CACNA2D3: variants seen among roughly 807,000 people sequenced by gnomAD.
The protein encoded by CACNA2D3 is voltage-dependent calcium channel subunit alpha-2/delta-3.
A neutral mutation model predicts 160.6 loss-of-function variants in CACNA2D3; 60 were observed. The observed-to-expected ratio is 0.37, with a 90% confidence interval of 0.30 to 0.46. CACNA2D3 has a LOEUF of 0.46. Among genes scored for constraint, CACNA2D3 ranks in the 20% least tolerant of loss-of-function variants. The pLI is 1.00. For synonymous variants in CACNA2D3, 558 were observed against 492.9 expected, an observed-to-expected ratio of 1.13 and a Z score of -1.75; for missense variants, 1,205 against 1,365.0, an observed-to-expected ratio of 0.88 and a Z score of 1.85.
intron 17 of CACNA2D3, among the ~76,000 whole-genome samples, chr3:54,866,530 C>T (rs1699404661): frequency 6.6e-6 from 1 of 152,220 alleles, no homozygotes; most frequent in African/African-American, 2.4e-5. Context: ...CATCCCCTTC[C>T]TTCCTGTTGG....
At chr3:54,883,528 T>G (rs1296150194) in intron 21 of CACNA2D3, among the ~76,000 whole-genome samples, 1 of 152,142 alleles carries the variant, frequency 6.6e-6, no homozygotes, top group African/African-American at 2.4e-5. Flanking sequence ...TCCCGATAGA[T>G]CTCATCTTTT....
chr3:54,763,941 G>T (rs1702169227), intron 12 of CACNA2D3, among the ~76,000 whole-genome samples: 1 of 143,884 alleles, frequency 7.0e-6, no homozygotes, highest in African/African-American at 2.6e-5. Flanking sequence ...ATTCTCCAAA[G>T]AATTAACAGG....
At chr3:54,813,913 G>A (rs181086578) in intron 13 of CACNA2D3, among the ~76,000 whole-genome samples, 2 of 142,350 alleles carry the variant, frequency 1.4e-5, no homozygotes, top group African/African-American at 5.3e-5. Context: ...CGCCCAGGCT[G>A]GAGTGCAGTG....
At position 54,822,790 on chromosome 3, in the gene CACNA2D3, C is replaced by CCTTT. The variant is rs71096453; in HGVS notation, c.1398+5961_1398+5964dup. 7.7e-3 allele frequency among the ~76,000 whole-genome samples: 556 copies of CCTTT among 71,836 alleles called. 19 individuals carry two copies. The highest frequency in any genetic ancestry group is 0.017 in the Middle Eastern group (3 of 176). 47.1% of individuals were successfully genotyped at this position (71,836 alleles called of 152,430 possible). Reference sequence around the variant, plus strand: ...TCTTTCTTTCTTTCTTTCTTTCTTTCCTTTCTTTCTTTCTTTCTTTCTTTC... The same window carrying CCTTT: ...TCTTTCTTTCTTTCTTTCTTTCTTTCCTTTCTTTCTTTCTTTCTTTCTTTCTTTC... On this transcript the variant is annotated intron_variant, in intron 14 of 37. Coordinates refer to ENST00000474759, the MANE Select transcript of CACNA2D3 (RefSeq NM_018398.3).
rs151038895 is a variant in CACNA2D3, at chr3:54,321,899, G to C, written c.321+1341G>C. Among the ~76,000 whole-genome samples, 274 of 131,998 alleles carry C rather than the reference G, an allele frequency of 2.1e-3. 11 individuals are homozygous for C. The East Asian group carries it at 0.06, about 29-fold the overall frequency. The allele number at this position is 131,998 out of a possible 152,430, so 86.6% of individuals were successfully genotyped here. ...CTGCTCCAGCGACAGTGGTGTGCAA[G>C]TGCTTATTTTCTGAAATCCTTGCAA... On this transcript the variant is annotated intron_variant, in intron 3 of 37. Coordinates refer to ENST00000474759, the MANE Select transcript of CACNA2D3 (RefSeq NM_018398.3).
intron 11 of CACNA2D3, among the ~76,000 whole-genome samples, chr3:54,711,782 C>A (rs1454438853): frequency 6.6e-6 from 1 of 152,246 alleles, no homozygotes; most frequent in Non-Finnish European, 1.5e-5. Context: ...TGCCCTTCCT[C>A]ATCTGCTGCT....
intron 13 of CACNA2D3, among the ~76,000 whole-genome samples, chr3:54,807,851 T>C (rs1249438168): frequency 1.3e-5 from 2 of 150,384 alleles, no homozygotes; most frequent in East Asian, 2.0e-4. Context: ...GTGGCACATA[T>C]ACACCATGGA....
intron 4 of CACNA2D3, among the ~76,000 whole-genome samples, chr3:54,462,863 C>T (rs1241657094): frequency 2.7e-5 from 4 of 150,196 alleles, no homozygotes; most frequent in African/African-American, 7.3e-5. Flanking sequence ...GCAGTTTCTT[C>T]CTAGTCTCGA....
At chr3:54,659,938 T>A (rs1018384653) in intron 11 of CACNA2D3, among the ~76,000 whole-genome samples, 1 of 152,112 alleles carries the variant, frequency 6.6e-6, no homozygotes, top group African/African-American at 2.4e-5. Flanking sequence ...AAGCATGGTG[T>A]CTGCATCCTC....
intron 4 of CACNA2D3, among the ~76,000 whole-genome samples, chr3:54,440,585 A>G (rs1213313025): frequency 1.3e-5 from 2 of 152,104 alleles, no homozygotes; most frequent in Non-Finnish European, 2.9e-5. Flanking sequence ...TGCCGCACCC[A>G]TTAACTCGTC....
chr3:54,385,252 G>A (rs996128548), intron 3 of CACNA2D3, among the ~76,000 whole-genome samples: 1 of 152,160 alleles, frequency 6.6e-6, no homozygotes, highest in African/African-American at 2.4e-5. Flanking sequence ...TTTCCCAGGT[G>A]AAACTGATCC....
At chr3:54,392,127 CA>C (rs1426723694) in intron 4 of CACNA2D3, among the ~76,000 whole-genome samples, 1 of 152,146 alleles carries the variant, frequency 6.6e-6, no homozygotes, top group Non-Finnish European at 1.5e-5. Flanking sequence ...GTTTCATCCT[CA>C]TTATTTTGAT....
chr3:54,626,599 G>A (rs572091195), intron 9 of CACNA2D3: 36 of 1,501,026 alleles, frequency 2.4e-5, no homozygotes, highest in African/African-American at 1.5e-4. Flanking sequence ...AAAGCACGGC[G>A]GGCCCGGCAT....
At chr3:54,359,377 G>T (rs1188627536) in intron 3 of CACNA2D3, among the ~76,000 whole-genome samples, 1 of 152,202 alleles carries the variant, frequency 6.6e-6, no homozygotes, top group Admixed American at 6.5e-5. Flanking sequence ...CATGGGTAGA[G>T]GTCAGAGTGT....
intron 4 of CACNA2D3, among the ~76,000 whole-genome samples, chr3:54,405,087 A>G (rs115351786): frequency 0.01 from 1,523 of 148,720 alleles, 18 homozygotes; most frequent in African/African-American, 0.033. Flanking sequence ...ATACTATACT[A>G]TACTAAAATG....
At chr3:54,357,336 C>G (rs1575413172) in intron 3 of CACNA2D3, among the ~76,000 whole-genome samples, 3 of 152,194 alleles carry the variant, frequency 2.0e-5, no homozygotes, top group Non-Finnish European at 4.4e-5. Flanking sequence ...CCTCTTGGAA[C>G]ACAACAAATA....
intron 31 of CACNA2D3, among the ~76,000 whole-genome samples, chr3:54,995,594 C>T (rs1702838744): frequency 6.6e-6 from 1 of 152,170 alleles, no homozygotes; most frequent in Non-Finnish European, 1.5e-5. Context: ...GTTCCAAAAG[C>T]TCCAAAAGGC....
At chr3:54,158,281 G>C (rs2107292986) in intron 2 of CACNA2D3, among the ~76,000 whole-genome samples, 1 of 152,308 alleles carries the variant, frequency 6.6e-6, no homozygotes, top group Admixed American at 6.5e-5. Flanking sequence ...CTCCTTTTGT[G>C]AGCTATTTTA....
intron 2 of CACNA2D3, among the ~76,000 whole-genome samples, chr3:54,201,169 G>A (rs561446850): frequency 6.6e-6 from 1 of 152,096 alleles, no homozygotes; most frequent in Non-Finnish European, 1.5e-5. Context: ...TTGAAATCAC[G>A]TTTTGTATAT....
Sources: gnomAD v4.1 joint callset for allele counts (sites outside exome capture counted in the v4.1 genomes callset) on GRCh38, gnomAD v4.1.1 for gene constraint, MANE v1.5 for transcripts, NCBI Gene and HGNC (gene_info 2026-07-23, HGNC 2026-07-21) for gene names.